The following SLC5A4 variants were observed in gnomAD, a reference collection of about 807,000 sequenced individuals.
The protein encoded by SLC5A4 is probable glucose sensor protein SLC5A4.
In SLC5A4, 55 loss-of-function variants were observed where a neutral mutation model predicts 70.3. The ratio of observed to expected loss-of-function variants is 0.78; its 90% CI spans 0.63 to 0.98. The LOEUF (loss-of-function observed/expected upper bound fraction) is 0.98. SLC5A4 is among the 50% of genes least tolerant of loss of function. SLC5A4 has a pLI of 0.00. For synonymous variants in SLC5A4, 268 were observed against 305.7 expected (o/e 0.88, Z 1.29); for missense variants, 735 against 839.2 (o/e 0.88, Z 1.53).
the SLC5A4 span, among the ~76,000 whole-genome samples, chr22:32,292,147 C>CTA: frequency 3.4e-5 from 1 of 29,544 alleles, no homozygotes; most frequent in East Asian, 6.1e-4. Flanking sequence ...ATATTATATT[C>CTA]TATATATTAT....
chr22:32,255,139 A>G (rs1927402842), intron 1 of SLC5A4, 56 bp downstream of exon 1: 2 of 1,305,030 alleles, frequency 1.5e-6, no homozygotes, highest in Admixed American at 1.7e-5. Flanking sequence ...TCCCCCCTTA[A>G]GATACCCCCT....
the SLC5A4 span, among the ~76,000 whole-genome samples, chr22:32,329,439 C>T: frequency 2.6e-5 from 4 of 151,778 alleles, no homozygotes; most frequent in African/African-American, 4.8e-5. Context: ...GGAATTTTTA[C>T]TTTGTCTTTA....
chr22:32,257,562 AG>A (rs1254995229), upstream of SLC5A4, among the ~76,000 whole-genome samples: 2 of 152,070 alleles, frequency 1.3e-5, no homozygotes, highest in African/African-American at 4.8e-5. Flanking sequence ...CATGTTGTCC[AG>A]GCTGGTCTTG....
the SLC5A4 span, among the ~76,000 whole-genome samples, chr22:32,297,399 G>A: frequency 1.3e-5 from 2 of 151,358 alleles, no homozygotes; most frequent in African/African-American, 2.4e-5. Flanking sequence ...TACGTGTCCA[G>A]GAATTTATCC....
the SLC5A4 span, among the ~76,000 whole-genome samples, chr22:32,288,332 ATG>A: frequency 7.9e-5 from 12 of 152,306 alleles, no homozygotes; most frequent in South Asian, 4.1e-4. Flanking sequence ...AGCAAATGAA[ATG>A]TGAGTGGAAA....
rs571565370 is a variant in SLC5A4, at chr22:32,240,603, G to A, written c.478-1513C>T. On this transcript the variant is annotated intron_variant, in intron 5 of 14. Coordinates refer to ENST00000266086, the MANE Select transcript of SLC5A4 (RefSeq NM_014227.3). ...GAGTCCGTTTTAAGAGACAAATTGC[G>A]TAACATTTTTTTCTCTGTTCTGGAA... is the stretch of plus-strand genomic sequence containing the variant. Among the ~76,000 whole-genome samples, 52 of 152,190 alleles carry A rather than the reference G, an allele frequency of 3.4e-4. No homozygotes were observed. In the South Asian group the frequency reaches 0.01, roughly 30 times the overall value.
chr22:32,313,164 G>C, the SLC5A4 span, among the ~76,000 whole-genome samples: 1 of 152,218 alleles, frequency 6.6e-6, no homozygotes, highest in Non-Finnish European at 1.5e-5. Flanking sequence ...GTAGAATGGA[G>C]AGTGCATACA....
the SLC5A4 span, among the ~76,000 whole-genome samples, chr22:32,337,882 G>C: frequency 6.6e-6 from 1 of 151,502 alleles, no homozygotes; most frequent in Non-Finnish European, 1.5e-5. Context: ...AAAGAACTAA[G>C]AAGTGATACA....
chr22:32,301,756 A>G, the SLC5A4 span, among the ~76,000 whole-genome samples: 1 of 152,158 alleles, frequency 6.6e-6, no homozygotes, highest in South Asian at 2.1e-4. Context: ...TCCCAGTTTT[A>G]AAACTTACAA....
the SLC5A4 span, among the ~76,000 whole-genome samples, chr22:32,354,019 G>A: frequency 1.3e-5 from 2 of 148,914 alleles, no homozygotes; most frequent in Admixed American, 6.7e-5. Flanking sequence ...CCCCCTGCGC[G>A]GGCAAGGTAG....
the SLC5A4 span, among the ~76,000 whole-genome samples, chr22:32,333,200 C>T: frequency 6.7e-6 from 1 of 148,420 alleles, no homozygotes; most frequent in Non-Finnish European, 1.5e-5. Context: ...ACTGGCACCC[C>T]CCCCCCAGAA....
chr22:32,289,171 C>G, the SLC5A4 span, among the ~76,000 whole-genome samples: 1 of 152,058 alleles, frequency 6.6e-6, no homozygotes, highest in Non-Finnish European at 1.5e-5. Flanking sequence ...CTGTTTTTAT[C>G]TTGAATGGCT....
chr22:32,339,806 A>C, the SLC5A4 span, among the ~76,000 whole-genome samples: 2 of 152,212 alleles, frequency 1.3e-5, no homozygotes, highest in Non-Finnish European at 2.9e-5. Flanking sequence ...GGCCAATGGC[A>C]GATCAGAAGC....
the SLC5A4 span, among the ~76,000 whole-genome samples, chr22:32,309,747 C>A: frequency 1.3e-5 from 2 of 152,248 alleles, no homozygotes; most frequent in East Asian, 1.9e-4. Flanking sequence ...AGGGCCGTGA[C>A]CCCCTGGCAC....
the SLC5A4 span, among the ~76,000 whole-genome samples, chr22:32,275,016 T>C: frequency 2.6e-5 from 4 of 152,344 alleles, no homozygotes; most frequent in African/African-American, 9.6e-5. Context: ...ATTAACTCAC[T>C]TGTTTGATTT....
Position 32,224,266 on chromosome 22 carries a change from C to T in SLC5A4, c.1665+1G>A. On this transcript the variant is annotated splice_donor_variant, in intron 13 of 14. Transcript: ENST00000266086. LOFTEE classifies it high-confidence loss of function. ...GCATGTATTCATTACTCATCACTCACATGTACATCAGGAATGGGTTTTGTT... is the reference window on the plus strand; with the variant it reads ...GCATGTATTCATTACTCATCACTCATATGTACATCAGGAATGGGTTTTGTT... The T allele has an allele frequency of 6.2e-7, 1 of 1,604,356 alleles. No homozygotes were observed. Among genetic ancestry groups the T allele is most frequent in the Non-Finnish European group, 8.5e-7 (1 of 1,171,250 alleles).
the SLC5A4 span, among the ~76,000 whole-genome samples, chr22:32,348,583 AT>A: frequency 9.8e-5 from 15 of 152,310 alleles, no homozygotes; most frequent in Middle Eastern, 3.4e-3. Flanking sequence ...ACCAAATTTT[AT>A]TTTTACGTTA....
chr22:32,233,861 CAA>C (rs200295046), intron 8 of SLC5A4, among the ~76,000 whole-genome samples: 26 of 130,544 alleles, frequency 2.0e-4, no homozygotes, highest in Non-Finnish European at 1.8e-4. Flanking sequence ...TTCCAGGAAC[CAA>C]AAAAAAAAAA....
chr22:32,311,055 G>A, the SLC5A4 span, among the ~76,000 whole-genome samples: 665 of 152,200 alleles, frequency 4.4e-3, 1 homozygote, highest in Non-Finnish European at 7.6e-3. Flanking sequence ...TATCTTTAAC[G>A]CCCATTACTC....
Sources: allele counts gnomAD v4.1 joint callset (sites outside exome capture counted in the v4.1 genomes callset), GRCh38; gene constraint gnomAD v4.1.1; transcripts MANE v1.5; gene names NCBI Gene and HGNC (gene_info 2026-07-23, HGNC 2026-07-21).